Variants in ACP7 observed in about 807,000 individuals in gnomAD.
ACP7 encodes the protein acid phosphatase 7, tartrate resistant (putative).
Under a neutral mutation model 60.6 loss-of-function variants are expected in ACP7, and 58 were observed. That is an observed-to-expected ratio of 0.96 (90% confidence interval 0.77 to 1.19). ACP7 has a LOEUF of 1.19. Ranked by LOEUF, ACP7 falls within the 50% of genes most tolerant of loss-of-function variation. The pLI, the probability that ACP7 is intolerant of heterozygous loss-of-function variation, is 0.00. For synonymous variants in ACP7, 237 were observed against 232.6 expected, an observed-to-expected ratio of 1.02 and a Z score of -0.17; for missense variants, 574 against 596.2, an observed-to-expected ratio of 0.96 and a Z score of 0.39.
At chr19:39,106,449 A>C (rs1292001753) in intron 11 of ACP7, among the ~76,000 whole-genome samples, 1 of 152,142 alleles carries the variant, frequency 6.6e-6, no homozygotes, top group Non-Finnish European at 1.5e-5. Context: ...ACTTTTCTAG[A>C]AGTCAGAGAC....
chr19:39,094,089 G>A lies in ACP7; in HGVS notation c.122-4369G>A, dbSNP rs555962559. ...CTCTTAACATTACACTACACCACAC[G>A]GTATTTTTAAAACCTTGACTTGGGT... On this transcript the variant is annotated intron_variant, in intron 2 of 12. Coordinates refer to ENST00000331256, the MANE Select transcript of ACP7 (RefSeq NM_001004318.3). Among the ~76,000 whole-genome samples, 331 of 152,212 alleles carry A rather than the reference G, an allele frequency of 2.2e-3. 1 individual carries two copies. The highest frequency in any genetic ancestry group is 3.8e-3 in the Non-Finnish European group (260 of 68,006).
chr19:39,102,118 TCTCACACACACACA>T lies in ACP7; in HGVS notation c.1113+583_1113+596del, dbSNP rs1356473330. On this transcript the variant is annotated intron_variant, in intron 11 of 12. Transcript: ENST00000331256. ...CTGGGCAACAAAATGAGACCCTTTC[TCTCACACACACACA>T]CACACACACACACACACACACACAC... Among the ~76,000 whole-genome samples the T allele has an allele frequency of 8.7e-4, 116 of 133,006 alleles. 2 individuals carry two copies. The East Asian group carries it at 0.014, about 16-fold the overall frequency. 87.3% of individuals were successfully genotyped at this position (133,006 alleles called of 152,430 possible). A position where few individuals can be genotyped will look rare whatever the true frequency, so the allele number is the denominator to read the frequency against.
At chr19:39,090,402 C>T (rs1438658316) in intron 2 of ACP7, among the ~76,000 whole-genome samples, 1 of 151,950 alleles carries the variant, frequency 6.6e-6, no homozygotes, top group Non-Finnish European at 1.5e-5. Flanking sequence ...TTCCTGAGCT[C>T]AGGCAATCTG....
At chr19:39,092,437 C>T (rs1351550722) in intron 2 of ACP7, among the ~76,000 whole-genome samples, 2 of 151,986 alleles carry the variant, frequency 1.3e-5, no homozygotes, top group African/African-American at 2.4e-5. Context: ...GGGAAGCACA[C>T]GATGCCAAGG....
At chr19:39,102,745 T>TTCTTTCTC (rs1337335753) in intron 11 of ACP7, among the ~76,000 whole-genome samples, 1 of 81,742 alleles carries the variant, frequency 1.2e-5, no homozygotes, top group Admixed American at 1.3e-4. Flanking sequence ...CTTTCTTTCT[T>TTCTTTCTC]TCTTTCTTTC....
intron 12 of ACP7, among the ~76,000 whole-genome samples, chr19:39,109,659 C>G (rs1385613669): frequency 1.5e-5 from 2 of 136,376 alleles, no homozygotes; most frequent in Admixed American, 8.1e-5. Flanking sequence ...TGCACTCCAG[C>G]CTGGGTGACA....
chr19:39,087,780 T>C (rs747109174), intron 2 of ACP7, among the ~76,000 whole-genome samples: 31 of 152,184 alleles, frequency 2.0e-4, no homozygotes, highest in South Asian at 6.2e-4. Flanking sequence ...ATTACAGGCA[T>C]GCACCACCAC....
intron 2 of ACP7, among the ~76,000 whole-genome samples, chr19:39,090,119 A>C (rs1363973946): frequency 6.6e-6 from 1 of 152,076 alleles, no homozygotes; most frequent in East Asian, 1.9e-4. Flanking sequence ...GTGATTTTCT[A>C]ATTTTCTAAT....
At chr19:39,101,120 C>G in intron 8 of ACP7, 30 bp from the exon 9 acceptor site, 1 of 1,613,962 alleles carries the variant, frequency 6.2e-7, no homozygotes. Flanking sequence ...CAGTCTGCGT[C>G]ACCCTCACCC....
At chr19:39,087,544 C>A (rs1432557999) in intron 2 of ACP7, among the ~76,000 whole-genome samples, 1 of 151,668 alleles carries the variant, frequency 6.6e-6, no homozygotes, top group Non-Finnish European at 1.5e-5. Context: ...TCACTGCAAC[C>A]TCAACTCCGA....
intron 2 of ACP7, among the ~76,000 whole-genome samples, chr19:39,089,117 C>T (rs576782332): frequency 1.2e-4 from 18 of 152,074 alleles, no homozygotes; most frequent in Non-Finnish European, 2.5e-4. Context: ...TTAGTAGGGA[C>T]GGGGTTTCAC....
At chr19:39,099,563 T>C (rs1345839547) in intron 4 of ACP7, among the ~76,000 whole-genome samples, 1 of 151,960 alleles carries the variant, frequency 6.6e-6, no homozygotes, top group Non-Finnish European at 1.5e-5. Context: ...AGATGGGTAA[T>C]GGGGATTGGG....
intron 2 of ACP7, among the ~76,000 whole-genome samples, chr19:39,090,229 C>T (rs1023556086): frequency 2.6e-5 from 4 of 151,902 alleles, no homozygotes; most frequent in Non-Finnish European, 5.9e-5. Context: ...AGTGCAGTGG[C>T]GCAATCTCGG....
At chr19:39,091,330 T>C (rs1289917996) in intron 2 of ACP7, among the ~76,000 whole-genome samples, 1 of 151,668 alleles carries the variant, frequency 6.6e-6, no homozygotes, top group East Asian at 1.9e-4. Flanking sequence ...GCCCAGCTGA[T>C]TTTTGTATTT....
chr19:39,090,698 T>C (rs1467198245), intron 2 of ACP7, among the ~76,000 whole-genome samples: 1 of 151,754 alleles, frequency 6.6e-6, no homozygotes, highest in African/African-American at 2.4e-5. Context: ...CCCAGGCTGG[T>C]CTGGAACTCC....
At chr19:39,104,093 A>G (rs2145033210) in intron 11 of ACP7, among the ~76,000 whole-genome samples, 1 of 151,112 alleles carries the variant, frequency 6.6e-6, no homozygotes, top group Non-Finnish European at 1.5e-5. Context: ...AATAATTATT[A>G]TTATCATTAT....
chr19:39,100,824 C>A lies in ACP7; in HGVS notation c.778C>A (p.Gln260Lys). 1 of 1,613,982 alleles carries A rather than the reference C, an allele frequency of 6.2e-7. No homozygotes were observed. The highest frequency in any genetic ancestry group is 8.5e-7 in the Non-Finnish European group (1 of 1,180,010). ...TTATGGCCGCCACTTGGTACAGAGGCAGTTTCGCTGGCTGGAGAGCGACCT... is the reference window on the plus strand; with the variant it reads ...TTATGGCCGCCACTTGGTACAGAGGAAGTTTCGCTGGCTGGAGAGCGACCT... ...LHYGRHLVQR[Q>K]FRWLESDLQK... is the part of the protein sequence containing the mutation. The change falls in exon 7 of 13, where the codon CAG (glutamine) becomes AAG (lysine). Residue 260 changes from glutamine (Q) to lysine (K), a missense_variant. Coordinates refer to ENST00000331256, the MANE Select transcript of ACP7 (RefSeq NM_001004318.3).
chr19:39,102,714 C>CT (rs140408853), intron 11 of ACP7, among the ~76,000 whole-genome samples: 7 of 48,238 alleles, frequency 1.5e-4, no homozygotes, highest in South Asian at 8.1e-4. Context: ...CCAATGAAGA[C>CT]TTTTCTTTCT....
At chr19:39,102,765 T>TTCTTTCTTTCTTTCTTTCTC (rs1316628357) in intron 11 of ACP7, among the ~76,000 whole-genome samples, 4 of 107,338 alleles carry the variant, frequency 3.7e-5, no homozygotes, top group African/African-American at 6.2e-5. Flanking sequence ...CTTTCTTTCT[T>TTCTTTCTTTCTTTCTTTCTC]TCTCTCTCTC....
Sources: gnomAD v4.1 joint callset for allele counts (sites outside exome capture counted in the v4.1 genomes callset) on GRCh38, gnomAD v4.1.1 for gene constraint, MANE v1.5 for transcripts, NCBI Gene and HGNC (gene_info 2026-07-23, HGNC 2026-07-21) for gene names.